ZC3H4: variants seen among roughly 807,000 people sequenced by gnomAD.
ZC3H4 encodes the protein zinc finger CCCH domain-containing protein 4.
A neutral mutation model predicts 108.3 loss-of-function variants in ZC3H4; 13 were observed. The ratio of observed to expected loss-of-function variants is 0.12; its 90% CI spans 0.08 to 0.19. The LOEUF (loss-of-function observed/expected upper bound fraction) is 0.19, where lower values mean the gene tolerates loss of function less well. Ranked by LOEUF, ZC3H4 falls within the 10% of genes least tolerant of loss-of-function variation. The pLI, the probability that ZC3H4 is intolerant of heterozygous loss-of-function variation, is 1.00. For missense variants in ZC3H4, 1,734 were observed against 1,838.8 expected, an observed-to-expected ratio of 0.94 and a Z score of 1.04; for synonymous variants, 917 against 749.6, an observed-to-expected ratio of 1.22 and a Z score of -3.65.
intron 2 of ZC3H4, among the ~76,000 whole-genome samples, chr19:47,109,753 A>G (rs924845765): frequency 6.6e-6 from 1 of 152,140 alleles, no homozygotes; most frequent in Non-Finnish European, 1.5e-5. Context: ...TGTAAGAAGG[A>G]AAAAAACAAA....
chr19:47,107,138 C>T (rs2057977667), intron 2 of ZC3H4, among the ~76,000 whole-genome samples: 1 of 152,208 alleles, frequency 6.6e-6, no homozygotes, highest in Admixed American at 6.5e-5. Context: ...AGATGGCTTC[C>T]ACTTAGTGTC....
At chr19:47,087,060 TAG>T (rs2057642002) in intron 5 of ZC3H4, among the ~76,000 whole-genome samples, 1 of 151,622 alleles carries the variant, frequency 6.6e-6, no homozygotes, top group Non-Finnish European at 1.5e-5. Flanking sequence ...CAGATCACCT[TAG>T]GTCAGGAGTT....
At chr19:47,090,628 T>C (rs563156720) in intron 4 of ZC3H4, among the ~76,000 whole-genome samples, 7 of 152,234 alleles carry the variant, frequency 4.6e-5, no homozygotes, top group African/African-American at 1.4e-4. Flanking sequence ...TTCCAAAGTG[T>C]GGTAATGCCA....
At chr19:47,096,943 C>A in intron 2 of ZC3H4, 1 of 985,424 alleles carries the variant, frequency 1.0e-6, no homozygotes, top group Non-Finnish European at 1.2e-6. Flanking sequence ...AGGCGACAGT[C>A]TTGCCCAGGG....
intron 1 of ZC3H4, among the ~76,000 whole-genome samples, chr19:47,113,057 T>C (rs2058061274): frequency 2.6e-5 from 4 of 152,228 alleles, no homozygotes; most frequent in Admixed American, 2.0e-4. Flanking sequence ...CTCCCTTCTC[T>C]GCCCGCCCTG....
rs1015473526 is a variant in ZC3H4 at position 47,066,048 on chromosome 19, G to A, written c.*308C>T. 20 of 256,020 alleles carry A rather than the reference G, an allele frequency of 7.8e-5. No individual in the cohort carries two copies. Among genetic ancestry groups the A allele is most frequent in the East Asian group, 5.8e-4 (8 of 13,756 alleles). The allele number at this position is 256,020 out of a possible 1,614,324, so 15.9% of individuals were successfully genotyped here. On this transcript the variant is annotated 3_prime_UTR_variant, in exon 15 of 15. Transcript: ENST00000253048. ...TGGGCCTCCAGCAAGGCCCGGCCAC[G>A]CAGAGCCCACAGAGTCTGAGGCCAG...
At chr19:47,094,780 G>A (rs746290528) in intron 2 of ZC3H4, among the ~76,000 whole-genome samples, 172 bp from the exon 3 acceptor site, 22 of 152,184 alleles carry the variant, frequency 1.4e-4, no homozygotes, top group Non-Finnish European at 3.1e-4. Flanking sequence ...TCCTCCCCCT[G>A]AAAGAACTGT....
intron 5 of ZC3H4, among the ~76,000 whole-genome samples, 169 bp downstream of exon 5, chr19:47,089,798 G>A (rs562451849): frequency 1.6e-4 from 24 of 152,296 alleles, no homozygotes; most frequent in Non-Finnish European, 2.6e-4. Flanking sequence ...ACAGCCCAGC[G>A]GGTGATCTCT....
chr19:47,100,618 C>G (rs771088707), intron 2 of ZC3H4, among the ~76,000 whole-genome samples: 56 of 151,800 alleles, frequency 3.7e-4, no homozygotes, highest in Admixed American at 7.3e-4. Flanking sequence ...TTGGAGCCAT[C>G]TGAACCCAGC....
chr19:47,101,165 C>T (rs1305602468), intron 2 of ZC3H4, among the ~76,000 whole-genome samples: 2 of 151,942 alleles, frequency 1.3e-5, no homozygotes, highest in East Asian at 3.9e-4. Flanking sequence ...CATGAGGAAA[C>T]CCCATCTCTA....
chr19:47,084,634 G>A (rs1457214637), intron 8 of ZC3H4, among the ~76,000 whole-genome samples, 179 bp from the exon 9 acceptor site: 1 of 152,202 alleles, frequency 6.6e-6, no homozygotes, highest in Non-Finnish European at 1.5e-5. Context: ...CCCACGGTGT[G>A]GGGTGTTGCT....
intron 11 of ZC3H4, among the ~76,000 whole-genome samples, chr19:47,074,374 C>A (rs181368423): frequency 3.3e-5 from 5 of 152,320 alleles, no homozygotes; most frequent in Admixed American, 3.3e-4. Flanking sequence ...CCTGCTATAT[C>A]CCCAGGGCCC....
chr19:47,084,181 T>G (rs533683657), intron 9 of ZC3H4, among the ~76,000 whole-genome samples, 164 bp downstream of exon 9: 23 of 152,218 alleles, frequency 1.5e-4, no homozygotes, highest in South Asian at 2.1e-4. Context: ...ACCTGAGTCT[T>G]TCAGGCCGCC....
At chr19:47,071,613 G>C (rs1050061950) in intron 13 of ZC3H4, among the ~76,000 whole-genome samples, 165 bp downstream of exon 13, 2 of 152,154 alleles carry the variant, frequency 1.3e-5, no homozygotes, top group African/African-American at 4.8e-5. Flanking sequence ...TTCTTCAACA[G>C]AATACATCCT....
intron 4 of ZC3H4, among the ~76,000 whole-genome samples, chr19:47,093,584 T>C (rs906066905): frequency 6.6e-6 from 1 of 152,144 alleles, no homozygotes; most frequent in African/African-American, 2.4e-5. Flanking sequence ...TGGGCAACCC[T>C]GTTGAAATTT....
intron 5 of ZC3H4, among the ~76,000 whole-genome samples, chr19:47,087,126 A>G (rs1352088380): frequency 6.6e-6 from 1 of 152,064 alleles, no homozygotes; most frequent in Non-Finnish European, 1.5e-5. Context: ...AAATAGAAAA[A>G]TTAGCCAGGT....
At chr19:47,097,672 C>T (rs1234059829) in intron 2 of ZC3H4, among the ~76,000 whole-genome samples, 1 of 152,206 alleles carries the variant, frequency 6.6e-6, no homozygotes, top group Non-Finnish European at 1.5e-5. Flanking sequence ...ACTTAACAGA[C>T]TGCCGGCAAA....
At chr19:47,091,057 G>C (rs994295811) in intron 4 of ZC3H4, among the ~76,000 whole-genome samples, 4 of 151,570 alleles carry the variant, frequency 2.6e-5, no homozygotes, top group African/African-American at 7.3e-5. Flanking sequence ...ACAAGGTCAG[G>C]AGATGCAGAC....
At chr19:47,096,277 C>T (rs910978668) in intron 2 of ZC3H4, among the ~76,000 whole-genome samples, 3 of 152,238 alleles carry the variant, frequency 2.0e-5, no homozygotes, top group Non-Finnish European at 4.4e-5. Flanking sequence ...AAGTCAACAA[C>T]ACAGGTGACC....
Sources: allele counts gnomAD v4.1 joint callset (sites outside exome capture counted in the v4.1 genomes callset), GRCh38; gene constraint gnomAD v4.1.1; transcripts MANE v1.5; gene names NCBI Gene and HGNC (gene_info 2026-07-23, HGNC 2026-07-21).